The following LRRTM4 variants were observed in gnomAD, a reference collection of about 807,000 sequenced individuals.
LRRTM4 encodes leucine rich repeat transmembrane neuronal 4.
A neutral mutation model predicts 47.6 loss-of-function variants in LRRTM4; 25 were observed. That is an observed-to-expected ratio of 0.53 (90% CI 0.38 to 0.73). LRRTM4 has a LOEUF of 0.73. Among genes scored for constraint, LRRTM4 ranks in the 30% least tolerant of loss-of-function variants. The pLI is 0.00. For synonymous variants in LRRTM4, 311 were observed against 269.5 expected, an observed-to-expected ratio of 1.15 and a Z score of -1.51; for missense variants, 638 against 713.4, an observed-to-expected ratio of 0.89 and a Z score of 1.20.
intron 3 of LRRTM4, among the ~76,000 whole-genome samples, chr2:77,299,089 T>G (rs867136310): frequency 2.6e-4 from 39 of 152,134 alleles, no homozygotes; most frequent in Admixed American, 4.6e-4. Context: ...GGGAGATTCC[T>G]TTCTGACCAA....
At position 77,337,182 on chromosome 2, in the gene LRRTM4, C is replaced by T. The variant is rs560262742; in HGVS notation, c.1551+181136G>A. On this transcript the variant is annotated intron_variant, in intron 3 of 3. Coordinates refer to ENST00000409884, the MANE Select transcript of LRRTM4 (RefSeq NM_001134745.3). ...TAACCAAGGAGGTGAAAGTTATCTTCGAAGACAATTACAAAACACTTCTGA... is the reference window on the plus strand; with the variant it reads ...TAACCAAGGAGGTGAAAGTTATCTTTGAAGACAATTACAAAACACTTCTGA... Among the ~76,000 whole-genome samples, 7 of 152,092 alleles carry T rather than the reference C, an allele frequency of 4.6e-5. No individual in the cohort carries two copies. The East Asian group carries it at 7.8e-4, about 17-fold the overall frequency.
At chr2:76,853,089 A>T (rs1672045920) in intron 3 of LRRTM4, among the ~76,000 whole-genome samples, 1 of 152,142 alleles carries the variant, frequency 6.6e-6, no homozygotes, top group African/African-American at 2.4e-5. Context: ...GCTATGCTGA[A>T]AAGTTTGGAC....
At chr2:76,966,267 T>A (rs1676020160) in intron 3 of LRRTM4, among the ~76,000 whole-genome samples, 1 of 150,494 alleles carries the variant, frequency 6.6e-6, no homozygotes, top group African/African-American at 2.4e-5. Flanking sequence ...TAGTATCAGG[T>A]GAAATAGGAG....
At chr2:76,984,491 A>G (rs186123095) in intron 3 of LRRTM4, among the ~76,000 whole-genome samples, 1 of 152,096 alleles carries the variant, frequency 6.6e-6, no homozygotes, top group East Asian at 1.9e-4. Flanking sequence ...ATGCATGGCC[A>G]TGTAACATTT....
chr2:77,126,831 C>T (rs920380969), intron 3 of LRRTM4, among the ~76,000 whole-genome samples: 2 of 152,202 alleles, frequency 1.3e-5, no homozygotes, highest in African/African-American at 2.4e-5. Context: ...GTGCACATCA[C>T]TGGCTTTTTT....
At chr2:77,243,001 C>A (rs375132956) in intron 3 of LRRTM4, among the ~76,000 whole-genome samples, 1 of 152,046 alleles carries the variant, frequency 6.6e-6, no homozygotes, top group African/African-American at 2.4e-5. Flanking sequence ...AATGGATAAA[C>A]AAAATGCAGT....
At chr2:77,453,317 G>A (rs574149702) in intron 3 of LRRTM4, among the ~76,000 whole-genome samples, 320 of 151,626 alleles carry the variant, frequency 2.1e-3, no homozygotes, top group Non-Finnish European at 3.6e-3. Context: ...AAGCAGCTGG[G>A]ACCACAGGCG....
At chr2:77,474,490 G>A (rs1677307070) in intron 3 of LRRTM4, among the ~76,000 whole-genome samples, 2 of 151,952 alleles carry the variant, frequency 1.3e-5, no homozygotes, top group Admixed American at 6.6e-5. Flanking sequence ...GGTGGTTACA[G>A]CAATGTCAAG....
intron 3 of LRRTM4, among the ~76,000 whole-genome samples, chr2:76,872,993 T>C (rs1419283395): frequency 1.3e-5 from 2 of 152,102 alleles, no homozygotes; most frequent in Non-Finnish European, 2.9e-5. Flanking sequence ...AAAGCAGATA[T>C]TGATGCCATG....
chr2:77,269,499 TTA>T (rs1488203965), intron 3 of LRRTM4, among the ~76,000 whole-genome samples: 3 of 152,190 alleles, frequency 2.0e-5, no homozygotes, highest in Non-Finnish European at 4.4e-5. Flanking sequence ...ACACAATAGA[TTA>T]TATGTCATTA....
At chr2:77,148,935 G>T (rs1209193114) in intron 3 of LRRTM4, among the ~76,000 whole-genome samples, 2 of 152,048 alleles carry the variant, frequency 1.3e-5, no homozygotes, top group African/African-American at 4.8e-5. Flanking sequence ...AAGATATTTC[G>T]TTTCCTCACA....
intron 3 of LRRTM4, among the ~76,000 whole-genome samples, chr2:77,268,889 G>A (rs1375159906): frequency 6.6e-6 from 1 of 152,102 alleles, no homozygotes; most frequent in East Asian, 1.9e-4. Context: ...TGTTTGAAAT[G>A]CCTCTCCGGG....
At chr2:77,386,425 A>G (rs544089018) in intron 3 of LRRTM4, among the ~76,000 whole-genome samples, 1 of 152,304 alleles carries the variant, frequency 6.6e-6, no homozygotes, top group East Asian at 1.9e-4. Context: ...AGCTTCATCC[A>G]TATCCCTGCA....
intron 3 of LRRTM4, among the ~76,000 whole-genome samples, chr2:77,480,041 G>A (rs1460737067): frequency 6.6e-6 from 1 of 152,112 alleles, no homozygotes; most frequent in Non-Finnish European, 1.5e-5. Context: ...CCACCATCTA[G>A]AGGAGGAAGG....
chr2:77,476,828 TA>T lies in LRRTM4; in HGVS notation c.1551+41489del, dbSNP rs796195387. On this transcript the variant is annotated intron_variant, in intron 3 of 3. Transcript: ENST00000409884. ...CTGGAAAAAAATAAGTAAATGGTGG[TA>T]TTTTTTTAAGGAGTTAAGTTAAAAT... is the stretch of plus-strand genomic sequence containing the variant. Among the ~76,000 whole-genome samples, 38 of 152,272 alleles carry T rather than the reference TA, an allele frequency of 2.5e-4. 2 individuals are homozygous for T. Among genetic ancestry groups the T allele is most frequent in the African/African-American group, 7.5e-4 (31 of 41,568 alleles).
chr2:77,296,957 C>T lies in LRRTM4; in HGVS notation c.1551+221361G>A, dbSNP rs562181019. Among the ~76,000 whole-genome samples, 11 of 152,300 alleles carry T rather than the reference C, an allele frequency of 7.2e-5. 1 individual carries two copies. In the South Asian group the frequency reaches 2.3e-3, roughly 32 times the overall value. On this transcript the variant is annotated intron_variant, in intron 3 of 3. Coordinates refer to ENST00000409884, the MANE Select transcript of LRRTM4 (RefSeq NM_001134745.3). ...TTGTTTCTGTTTCAGAAAGTGAGAT[C>T]TAGGCTCAGCACAGGGGAGCAGATT...
intron 3 of LRRTM4, among the ~76,000 whole-genome samples, chr2:76,765,878 A>C (rs1392341404): frequency 6.6e-6 from 1 of 152,228 alleles, no homozygotes; most frequent in East Asian, 1.9e-4. Flanking sequence ...GAGGAAATGT[A>C]GCTGCAGCTG....
chr2:77,195,964 G>A (rs919184316), intron 3 of LRRTM4, among the ~76,000 whole-genome samples: 4 of 152,136 alleles, frequency 2.6e-5, no homozygotes, highest in African/African-American at 9.7e-5. Flanking sequence ...GTCCGTATGT[G>A]TAAGTAAGCT....
chr2:77,435,867 G>C (rs1403953844), intron 3 of LRRTM4, among the ~76,000 whole-genome samples: 3 of 152,050 alleles, frequency 2.0e-5, no homozygotes, highest in Non-Finnish European at 4.4e-5. Flanking sequence ...TTACATTCAT[G>C]AAGTACTCCT....
Sources: gnomAD v4.1 joint callset for allele counts (sites outside exome capture counted in the v4.1 genomes callset) on GRCh38, gnomAD v4.1.1 for gene constraint, MANE v1.5 for transcripts, NCBI Gene and HGNC (gene_info 2026-07-23, HGNC 2026-07-21) for gene names.